EYS: variants seen among roughly 807,000 people sequenced by gnomAD.
The protein encoded by EYS is EGF-like photoreceptor maintenance factor, also known as protein eyes shut homolog.
A neutral mutation model predicts 282.1 loss-of-function variants in EYS; 250 were observed. That is an observed-to-expected ratio of 0.89 (90% CI 0.80 to 0.98). The LOEUF (loss-of-function observed/expected upper bound fraction) is 0.98. Ranked by LOEUF, EYS falls within the 50% of genes least tolerant of loss-of-function variation. The pLI is 0.00. For synonymous variants in EYS, 1,355 were observed against 1,282.9 expected (o/e 1.06, Z -1.20); for missense variants, 4,016 against 3,709.0 (o/e 1.08, Z -2.15).
chr6:65,321,223 T>C (rs1769467245), intron 11 of EYS, among the ~76,000 whole-genome samples: 1 of 151,736 alleles, frequency 6.6e-6, no homozygotes, highest in African/African-American at 2.4e-5. Context: ...CCAAGAAATA[T>C]GATTCTTCTT....
chr6:65,460,959 G>A (rs1469879096), intron 5 of EYS, among the ~76,000 whole-genome samples: 1 of 152,006 alleles, frequency 6.6e-6, no homozygotes, highest in Non-Finnish European at 1.5e-5. Flanking sequence ...ATACATGAAG[G>A]TCAAATACTG....
chr6:65,411,688 T>C (rs553211677), intron 5 of EYS, among the ~76,000 whole-genome samples: 3 of 152,108 alleles, frequency 2.0e-5, no homozygotes, highest in Non-Finnish European at 4.4e-5. Flanking sequence ...ATCTCTATAG[T>C]TGAACTATTT....
chr6:63,988,539 T>C (rs1345520358), intron 34 of EYS, among the ~76,000 whole-genome samples: 2 of 151,838 alleles, frequency 1.3e-5, no homozygotes, highest in Admixed American at 1.3e-4. Context: ...GCACACAGAT[T>C]ACCATTAAAA....
chr6:64,704,395 G>T (rs755981837), intron 22 of EYS, among the ~76,000 whole-genome samples: 10 of 143,690 alleles, frequency 7.0e-5, no homozygotes, highest in Non-Finnish European at 1.4e-4. Flanking sequence ...GTATCTAGTT[G>T]CAGGGTTCAT....
chr6:64,356,419 G>C (rs1771826235), intron 29 of EYS, among the ~76,000 whole-genome samples: 1 of 151,534 alleles, frequency 6.6e-6, no homozygotes, highest in African/African-American at 2.4e-5. Flanking sequence ...ATAAGAGTTG[G>C]CACAGCTTCC....
chr6:65,171,294 C>T (rs1457912750), intron 12 of EYS, among the ~76,000 whole-genome samples: 1 of 151,538 alleles, frequency 6.6e-6, no homozygotes, highest in Non-Finnish European at 1.5e-5. Context: ...CATGAAAATA[C>T]ATAAACTATA....
chr6:64,007,985 G>A (rs1356163037), intron 33 of EYS, among the ~76,000 whole-genome samples: 1 of 151,982 alleles, frequency 6.6e-6, no homozygotes. Flanking sequence ...GGAGATATCT[G>A]TTAGGTCCAT....
At chr6:65,550,143 CTTTTTTTTTTTTTTTTT>C (rs1048251073) in intron 2 of EYS, among the ~76,000 whole-genome samples, 111 of 5,928 alleles carry the variant, frequency 0.019, 8 homozygotes, top group South Asian at 0.071. Context: ...TCTACTATAT[CTTTTTTTTTTTTTTTTT>C]TTTTTTTTTT....
chr6:65,337,947 T>C (rs1770049734), intron 10 of EYS, among the ~76,000 whole-genome samples: 1 of 151,084 alleles, frequency 6.6e-6, no homozygotes, highest in African/African-American at 2.4e-5. Context: ...TGCTTTCCCT[T>C]TTATTTTCAA....
At chr6:64,267,920 T>A (rs1767814398) in intron 30 of EYS, among the ~76,000 whole-genome samples, 1 of 152,150 alleles carries the variant, frequency 6.6e-6, no homozygotes, top group South Asian at 2.1e-4. Context: ...ATGTTGTAGA[T>A]GGTGATAGGA....
intron 37 of EYS, among the ~76,000 whole-genome samples, chr6:63,802,518 AATTTT>A (rs1176030509): frequency 2.6e-5 from 4 of 152,122 alleles, no homozygotes; most frequent in Admixed American, 6.5e-5. Flanking sequence ...TTCTTGATAA[AATTTT>A]ATTTTATTTT....
intron 34 of EYS, among the ~76,000 whole-genome samples, chr6:63,991,061 G>A (rs2149796401): frequency 6.6e-6 from 1 of 151,828 alleles, no homozygotes; most frequent in East Asian, 1.9e-4. Context: ...TGGGCAGCTT[G>A]TGGCAGATCC....
chr6:63,766,442 GAATA>G (rs1440433749), intron 40 of EYS, among the ~76,000 whole-genome samples: 3 of 151,996 alleles, frequency 2.0e-5, no homozygotes, highest in African/African-American at 7.2e-5. Context: ...ACACACAAAT[GAATA>G]AATATAATAG....
intron 2 of EYS, among the ~76,000 whole-genome samples, chr6:65,516,349 C>T (rs1767134851): frequency 6.6e-6 from 1 of 152,052 alleles, no homozygotes; most frequent in African/African-American, 2.4e-5. Flanking sequence ...AAGACCACTG[C>T]TAATCCTCAC....
intron 19 of EYS, among the ~76,000 whole-genome samples, chr6:64,841,275 T>C (rs1487441307): frequency 6.6e-6 from 1 of 152,118 alleles, no homozygotes; most frequent in Non-Finnish European, 1.5e-5. Context: ...ACTTATTAAA[T>C]TTTACCTTCC....
chr6:64,161,396 C>T (rs540827521), intron 31 of EYS, among the ~76,000 whole-genome samples: 1 of 152,300 alleles, frequency 6.6e-6, no homozygotes, highest in African/African-American at 2.4e-5. Flanking sequence ...CAGTAGGAAG[C>T]TGCTGTCATG....
At chr6:63,864,695 G>C (rs1772629261) in intron 35 of EYS, among the ~76,000 whole-genome samples, 1 of 152,122 alleles carries the variant, frequency 6.6e-6, no homozygotes, top group Admixed American at 6.5e-5. Context: ...CCTTAATAAA[G>C]TGCATCAAAT....
At chr6:65,687,787 AACAG>A (rs974382786) in intron 1 of EYS, among the ~76,000 whole-genome samples, 73 of 152,310 alleles carry the variant, frequency 4.8e-4, no homozygotes, top group Middle Eastern at 3.4e-3. Flanking sequence ...ATACACCAAT[AACAG>A]ACAAACGCAG....
intron 19 of EYS, among the ~76,000 whole-genome samples, chr6:64,833,260 G>A (rs541859760): frequency 1.9e-4 from 29 of 151,934 alleles, no homozygotes; most frequent in African/African-American, 6.5e-4. Context: ...TTCTTTAAAT[G>A]AATAATGATT....
Sources: gnomAD v4.1 joint callset for allele counts (sites outside exome capture counted in the v4.1 genomes callset) on GRCh38, gnomAD v4.1.1 for gene constraint, MANE v1.5 for transcripts, NCBI Gene and HGNC (gene_info 2026-07-23, HGNC 2026-07-21) for gene names.